MAPKAPK2: variants seen among roughly 807,000 people sequenced by gnomAD.
MAPKAPK2 encodes MAPK activated protein kinase 2, also known as MAP kinase-activated protein kinase 2.
MAPKAPK2 carries 9 observed loss-of-function variants against 48.8 expected under a neutral mutation model. That is an observed-to-expected ratio of 0.18 (90% CI 0.11 to 0.32). The LOEUF (loss-of-function observed/expected upper bound fraction) is 0.32, where lower values mean the gene tolerates loss of function less well. Among genes scored for constraint, MAPKAPK2 ranks in the 10% least tolerant of loss-of-function variants. The pLI, the probability that MAPKAPK2 is intolerant of heterozygous loss-of-function variation, is 1.00. For synonymous variants in MAPKAPK2, 202 were observed against 190.6 expected, an observed-to-expected ratio of 1.06 and a Z score of -0.49; for missense variants, 331 against 498.3, an observed-to-expected ratio of 0.66 and a Z score of 3.20.
intron 5 of MAPKAPK2, among the ~76,000 whole-genome samples, chr1:206,730,439 G>A (rs782225152): frequency 1.3e-5 from 2 of 152,212 alleles, no homozygotes; most frequent in Non-Finnish European, 1.5e-5. Flanking sequence ...TTAAATGAAC[G>A]GCATGGGCCT....
At chr1:206,716,637 A>C (rs1572503166) in intron 1 of MAPKAPK2, among the ~76,000 whole-genome samples, 1 of 151,976 alleles carries the variant, frequency 6.6e-6, no homozygotes, top group East Asian at 1.9e-4. Context: ...GATGAAGGTG[A>C]GATTGCTTTT....
In MAPKAPK2 at chr1:206,685,289, G is replaced by A. The variant is rs1553425334; in HGVS notation, c.60G>A (p.Pro20=). 2 of 201,792 alleles carry A rather than the reference G, an allele frequency of 9.9e-6. No homozygotes were observed. The highest frequency in any genetic ancestry group is 9.7e-6 in the Non-Finnish European group (1 of 102,684). 12.5% of individuals were successfully genotyped at this position (201,792 alleles called of 1,614,324 possible). The change falls in exon 1 of 10, where the codon CCG becomes CCA. Residue 20 remains proline, a synonymous_variant. Transcript: ENST00000367103. The stretch of plus-strand genomic sequence containing the variant: ...TGCCGTTCCCCGCCCCGGCCCCGCC[G>A]CCGCAGCCCCCCACCCCTGCCCTGC... ...PPVPFPAPAP[P]PQPPTPALPH... is the part of the protein sequence containing the mutation.
intron 1 of MAPKAPK2, among the ~76,000 whole-genome samples, chr1:206,714,111 G>A (rs1673242144): frequency 6.6e-6 from 1 of 152,122 alleles, no homozygotes; most frequent in Non-Finnish European, 1.5e-5. Context: ...GTTCAGTTTG[G>A]TGCCTGTTCA....
intron 1 of MAPKAPK2, among the ~76,000 whole-genome samples, chr1:206,708,905 T>C (rs1553429052): frequency 6.6e-6 from 1 of 152,256 alleles, no homozygotes; most frequent in East Asian, 1.9e-4. Context: ...GAATTTCATC[T>C]GCATGGTGAC....
chr1:206,729,750 G>A (rs1553432355), intron 4 of MAPKAPK2, among the ~76,000 whole-genome samples: 3 of 152,198 alleles, frequency 2.0e-5, no homozygotes. Context: ...GGTGTTTACT[G>A]CGGGTTCTGT....
At position 206,731,024 on chromosome 1, in the gene MAPKAPK2, T is replaced by G; in HGVS notation, c.768-114T>G. The G allele has an allele frequency of 7.0e-7, 1 of 1,435,406 alleles. No individual in the cohort carries two copies. The highest frequency in any genetic ancestry group is 9.8e-7 in the Non-Finnish European group (1 of 1,025,428). 88.9% of individuals were successfully genotyped at this position (1,435,406 alleles called of 1,614,324 possible). A position where few individuals can be genotyped will look rare whatever the true frequency, so the allele number is the denominator to read the frequency against. On this transcript the variant is annotated intron_variant, in intron 6 of 9. Coordinates refer to ENST00000367103, the MANE Select transcript of MAPKAPK2 (RefSeq NM_032960.4). The surrounding 1 kb of genome is among the most constrained non-coding windows in gnomAD (Gnocchi z 5.9). ...ATATTGTGCCTGTGTCAATAAGCCC[T>G]GATTTCTCTGTGACCTTTACAAGGA...
chr1:206,707,457 AAAGGT>A (rs1321986770), intron 1 of MAPKAPK2, among the ~76,000 whole-genome samples: 1 of 152,132 alleles, frequency 6.6e-6, no homozygotes, highest in Admixed American at 6.5e-5. Context: ...CCAGAGCAGC[AAAGGT>A]AGAGAAAAAA....
chr1:206,706,412 C>G (rs1672960694), intron 1 of MAPKAPK2, among the ~76,000 whole-genome samples: 1 of 152,114 alleles, frequency 6.6e-6, no homozygotes, highest in Non-Finnish European at 1.5e-5. Flanking sequence ...TCCCGACCAC[C>G]CTGCAGGACG....
intron 1 of MAPKAPK2, among the ~76,000 whole-genome samples, chr1:206,721,450 C>T (rs1026858258): frequency 6.6e-6 from 1 of 152,082 alleles, no homozygotes; most frequent in African/African-American, 2.4e-5. Flanking sequence ...CTTAAAGATA[C>T]GTCTATGATT....
At chr1:206,708,093 C>G (rs1446010271) in intron 1 of MAPKAPK2, among the ~76,000 whole-genome samples, 2 of 152,192 alleles carry the variant, frequency 1.3e-5, no homozygotes, top group African/African-American at 4.8e-5. Flanking sequence ...ATCACACAGT[C>G]AGAACAAGAA....
intron 1 of MAPKAPK2, among the ~76,000 whole-genome samples, chr1:206,714,510 C>A (rs1347400318): frequency 6.6e-6 from 1 of 151,960 alleles, no homozygotes; most frequent in Non-Finnish European, 1.5e-5. Context: ...TGCTGGTAAT[C>A]CCAGCATTTT....
Position 206,704,900 on chromosome 1 carries a change from C to T in MAPKAPK2, c.279+19392C>T, listed in dbSNP as rs1160720413. 6.6e-6 allele frequency among the ~76,000 whole-genome samples: 1 copy of T among 152,196 alleles called. No homozygotes were observed. The highest frequency in any genetic ancestry group is 1.5e-5 in the Non-Finnish European group (1 of 68,036). On this transcript the variant is annotated intron_variant, in intron 1 of 9. Transcript: ENST00000367103. The surrounding 1 kb of genome is among the most constrained non-coding windows in gnomAD (Gnocchi z 4.3). ...TTGGAAGAAGGAGCCGCCCGTTTCT[C>T]CAAGTGCAGCGCCAGTCCCGAGACA...
chr1:206,707,380 A>G (rs924451946), intron 1 of MAPKAPK2, among the ~76,000 whole-genome samples: 1 of 151,970 alleles, frequency 6.6e-6, no homozygotes, highest in Admixed American at 6.5e-5. Flanking sequence ...TGGTTTGAGA[A>G]ACATACATCT....
chr1:206,710,553 A>G (rs1301580743), intron 1 of MAPKAPK2, among the ~76,000 whole-genome samples: 5 of 152,216 alleles, frequency 3.3e-5, no homozygotes, highest in Admixed American at 1.3e-4. Flanking sequence ...GGGAATGTCA[A>G]CACTGTCACT....
In MAPKAPK2 at chr1:206,732,636, A is replaced by G; in HGVS notation, c.1121A>G (p.Lys374Arg). ...GACTACGAGCAGATCAAGATAAAAA[A>G]GATTGAAGATGCATCCAACCCTCTG... ...RVDYEQIKIK[K>R]IEDASNPLLL... The change falls in exon 10 of 10, where the codon AAG becomes AGG. Residue 374 changes from lysine (K) to arginine (R), a missense_variant. Lys to Arg is a conservative substitution (Grantham distance 26). Coordinates refer to ENST00000367103, the MANE Select transcript of MAPKAPK2 (RefSeq NM_032960.4). The surrounding 1 kb of genome is among the most constrained non-coding windows in gnomAD (Gnocchi z 4.4). 1.9e-6 allele frequency: 3 copies of G among 1,614,234 alleles called. No individual in the cohort carries two copies. The highest frequency in any genetic ancestry group is 2.5e-6 in the Non-Finnish European group (3 of 1,180,046).
Position 206,731,441 on chromosome 1 carries a change from T to C in MAPKAPK2, c.892+179T>C. 1 of 1,300,042 alleles carries C rather than the reference T, an allele frequency of 7.7e-7. No individual in the cohort carries two copies. The highest frequency in any genetic ancestry group is 1.1e-6 in the Non-Finnish European group (1 of 939,858). 80.5% of individuals were successfully genotyped at this position (1,300,042 alleles called of 1,614,324 possible). A position where few individuals can be genotyped will look rare whatever the true frequency, so the allele number is the denominator to read the frequency against. On this transcript the variant is annotated intron_variant, in intron 7 of 9. Coordinates refer to ENST00000367103, the MANE Select transcript of MAPKAPK2 (RefSeq NM_032960.4). This position sits in a 1 kb window ranked among gnomAD's most constrained non-coding sequence, Gnocchi z 5.9. Reference sequence around the variant, plus strand: ...GCTTCATTTTGCCTGTGTGGAGGGCTGGAGGCAGGGCCAAGGCTGTGGGGC... The same window carrying C: ...GCTTCATTTTGCCTGTGTGGAGGGCCGGAGGCAGGGCCAAGGCTGTGGGGC...
At chr1:206,730,789 G>A (rs1673875856) in intron 6 of MAPKAPK2, 26 bp downstream of exon 6, 2 of 1,458,550 alleles carry the variant, frequency 1.4e-6, no homozygotes, top group Non-Finnish European at 1.9e-6. Context: ...AGGGGGCTGG[G>A]TGGGGCAGGG....
chr1:206,685,397 G>A lies in MAPKAPK2; in HGVS notation c.168G>A (p.Lys56=). ...FHVKSGLQIK[K]NAIIDDYKVT... ...TCAAGTCCGGCCTGCAGATCAAGAA[G>A]AACGCCATCATCGATGACTACAAGG... The change falls in exon 1 of 10, where the codon AAG becomes AAA. Residue 56 remains lysine (K), a synonymous_variant. Transcript: ENST00000367103. The A allele has an allele frequency of 6.6e-7, 1 of 1,516,978 alleles. No individual in the cohort carries two copies. Among genetic ancestry groups the A allele is most frequent in the African/African-American group, 1.4e-5 (1 of 69,344 alleles). The allele number at this position is 1,516,978 out of a possible 1,614,324, so 94.0% of individuals were successfully genotyped here. A position where few individuals can be genotyped will look rare whatever the true frequency, so the allele number is the denominator to read the frequency against.
intron 1 of MAPKAPK2, chr1:206,695,773 T>TCTC (rs1553426936): frequency 2.3e-3 from 220 of 96,814 alleles, no homozygotes; most frequent in African/African-American, 0.02. Flanking sequence ...TCTCTCTCTC[T>TCTC]TTTTTTTTTT....
Sources: gnomAD v4.1 joint callset for allele counts (sites outside exome capture counted in the v4.1 genomes callset) on GRCh38, gnomAD v4.1.1 for gene constraint, Gnocchi (gnomAD v3.1) non-coding constraint, MANE v1.5 for transcripts, NCBI Gene and HGNC (gene_info 2026-07-23, HGNC 2026-07-21) for gene names.